The following CFAP44 variants were observed in gnomAD, a reference collection of about 807,000 sequenced individuals.
The protein encoded by CFAP44 is cilia and flagella associated protein 44, also known as cilia- and flagella-associated protein 44.
In CFAP44, 134 loss-of-function variants were observed where a neutral mutation model predicts 216.2. The observed-to-expected ratio is 0.62, with a 90% CI of 0.54 to 0.72. The LOEUF is 0.72. Ranked by LOEUF, CFAP44 falls within the 30% of genes least tolerant of loss-of-function variation. CFAP44 has a pLI of 0.00. For synonymous variants in CFAP44, 700 were observed against 727.6 expected (o/e 0.96, Z 0.61); for missense variants, 2,035 against 2,182.1 (o/e 0.93, Z 1.34).
chr3:113,391,453 C>A (rs181874509), intron 15 of CFAP44, among the ~76,000 whole-genome samples: 1 of 152,108 alleles, frequency 6.6e-6, no homozygotes, highest in East Asian at 1.9e-4. Context: ...TTGAATAACA[C>A]CCCACAAGCA....
chr3:113,396,569 A>G lies in CFAP44; in HGVS notation c.1728T>C (p.Ala576=), dbSNP rs778433648. 33 of 1,614,170 alleles carry G rather than the reference A, an allele frequency of 2.0e-5. No homozygotes were observed. The highest frequency in any genetic ancestry group is 5.0e-5 in the Admixed American group (3 of 60,008). ...QLKQVFKPHT[A]CVTALAYERD... The stretch of plus-strand genomic sequence containing the variant: ...GTTCATAAGCTAAAGCAGTGACACA[A>G]GCAGTATGGGGTTTGAAAACCTGTT... Residue 576 remains alanine, a synonymous_variant, in exon 14 of 35, where the codon GCT becomes GCC. Transcript: ENST00000393845.
chr3:113,384,475 A>C (rs913361688), intron 15 of CFAP44, among the ~76,000 whole-genome samples: 1 of 152,224 alleles, frequency 6.6e-6, no homozygotes, highest in Non-Finnish European at 1.5e-5. Context: ...AATGTGACTG[A>C]TAGATCTTTG....
At chr3:113,425,695 T>C (rs910930817) in intron 4 of CFAP44, among the ~76,000 whole-genome samples, 3 of 152,226 alleles carry the variant, frequency 2.0e-5, no homozygotes, top group Non-Finnish European at 4.4e-5. Flanking sequence ...TCAGATCTCA[T>C]GAACTGCAGC....
At chr3:113,422,483 T>C (rs1156625930) in intron 4 of CFAP44, among the ~76,000 whole-genome samples, 1 of 152,268 alleles carries the variant, frequency 6.6e-6, no homozygotes, top group Middle Eastern at 3.4e-3. Flanking sequence ...AAGAGAGAGA[T>C]AAAGCATTTC....
chr3:113,380,476 G>A (rs184496609), intron 16 of CFAP44, among the ~76,000 whole-genome samples: 3 of 151,762 alleles, frequency 2.0e-5, no homozygotes, highest in Non-Finnish European at 1.5e-5. Context: ...TGTCACCTGA[G>A]CTGGAGTGCA....
chr3:113,316,703 T>C (rs1950091320), intron 28 of CFAP44, among the ~76,000 whole-genome samples: 1 of 152,016 alleles, frequency 6.6e-6, no homozygotes. Context: ...ACCCCATCTC[T>C]ACTAAAAATA....
intron 24 of CFAP44, 76 bp downstream of exon 24, chr3:113,341,662 AATAAAT>A (rs1950334296): frequency 1.0e-5 from 13 of 1,272,362 alleles, no homozygotes; most frequent in African/African-American, 1.6e-5. Context: ...TAACAATGTC[AATAAAT>A]ATAAAGATTT....
intron 22 of CFAP44, among the ~76,000 whole-genome samples, chr3:113,346,416 A>G (rs1177652090): frequency 4.6e-5 from 7 of 151,984 alleles, no homozygotes; most frequent in Admixed American, 3.9e-4. Context: ...CCCAATCAGC[A>G]CTCTGTAAAA....
rs562438994 is a variant in CFAP44 at position 113,381,129 on chromosome 3, A to T, written c.1891-69T>A. 4.5e-3 allele frequency: 5,008 copies of T among 1,120,504 alleles called. 34 individuals carry two copies. Among genetic ancestry groups the T allele is most frequent in the Middle Eastern group, 0.014 (46 of 3,240 alleles). The allele number at this position is 1,120,504 out of a possible 1,614,324, so 69.4% of individuals were successfully genotyped here. ...TAAAAGCATAGTTTAAAGAGATTATAAATAAAAATATAATTACTATGTATA... is the reference window on the plus strand; with the variant it reads ...TAAAAGCATAGTTTAAAGAGATTATTAATAAAAATATAATTACTATGTATA... On this transcript the variant is annotated intron_variant, in intron 15 of 34. Transcript: ENST00000393845.
intron 9 of CFAP44, among the ~76,000 whole-genome samples, chr3:113,403,478 A>C (rs1214639511): frequency 6.6e-6 from 1 of 152,222 alleles, no homozygotes; most frequent in Non-Finnish European, 1.5e-5. Context: ...ACCTCAGTAA[A>C]AAATAACTAA....
At chr3:113,398,406 G>A (rs1435167258) in intron 13 of CFAP44, among the ~76,000 whole-genome samples, 1 of 152,148 alleles carries the variant, frequency 6.6e-6, no homozygotes, top group Non-Finnish European at 1.5e-5. Flanking sequence ...TTCCAGAAAG[G>A]CAAGGGGGTA....
intron 22 of CFAP44, 39 bp from the exon 23 acceptor site, chr3:113,344,751 T>G (rs1408343970): frequency 2.1e-6 from 3 of 1,445,664 alleles, no homozygotes; most frequent in Non-Finnish European, 2.7e-6. Flanking sequence ...AGTCACCATT[T>G]TGATCATTCT....
chr3:113,356,514 A>T (rs1456247136), intron 22 of CFAP44, among the ~76,000 whole-genome samples: 2 of 152,202 alleles, frequency 1.3e-5, no homozygotes, highest in Non-Finnish European at 2.9e-5. Flanking sequence ...CCAATGAGAT[A>T]GAATAAAGAG....
intron 30 of CFAP44, among the ~76,000 whole-genome samples, chr3:113,305,746 A>T (rs148814842): frequency 2.0e-5 from 3 of 152,336 alleles, no homozygotes; most frequent in African/African-American, 7.2e-5. Flanking sequence ...GGTGGTCTCC[A>T]ACATGGGATG....
chr3:113,379,545 TTAA>T lies in CFAP44; in HGVS notation c.2056_2058del (p.Leu686del), dbSNP rs1188937165. On this transcript the variant is annotated inframe_deletion, in exon 17 of 35. Coordinates refer to ENST00000393845, the MANE Select transcript of CFAP44 (RefSeq NM_001164496.2). ...TGTCTCTCCCTCTTTTCAATTTCTA[TTAA>T]TCTCTTTTAAAATAAACATTAAGTA... The T allele has an allele frequency of 6.3e-7, 1 of 1,577,376 alleles. No individual in the cohort carries two copies. Among genetic ancestry groups the T allele is most frequent in the Admixed American group, 1.7e-5 (1 of 58,684 alleles).
rs1223413052 is a variant in CFAP44, at chr3:113,403,999, T to C, written c.1023A>G (p.Glu341=). The C allele has an allele frequency of 3.1e-6, 5 of 1,613,796 alleles. No homozygotes were observed. Among genetic ancestry groups the C allele is most frequent in the Non-Finnish European group, 3.4e-6 (4 of 1,179,834 alleles). The change falls in exon 9 of 35, where the codon GAA becomes GAG. Residue 341 remains glutamate, a synonymous_variant. Coordinates refer to ENST00000393845, the MANE Select transcript of CFAP44 (RefSeq NM_001164496.2). ...LPDGKVLSGS[E]WGNMLLWEGG... is the part of the protein sequence containing the mutation. ...CTTCCCAAAGCAGCATGTTGCCCCA[T>C]TCTGACCCTGAGAGCACCTGGCAGG...
chr3:113,400,492 G>T, intron 12 of CFAP44, 53 bp downstream of exon 12: 2 of 1,420,926 alleles, frequency 1.4e-6, no homozygotes, highest in South Asian at 1.5e-5. Context: ...AAATTTTATT[G>T]CAAATAAAAC....
At chr3:113,374,884 C>T (rs1237805237) in intron 17 of CFAP44, among the ~76,000 whole-genome samples, 1 of 152,198 alleles carries the variant, frequency 6.6e-6, no homozygotes, top group African/African-American at 2.4e-5. Flanking sequence ...GATCCACCCG[C>T]CTTGACCTCC....
intron 15 of CFAP44, among the ~76,000 whole-genome samples, chr3:113,394,837 C>T (rs1379381642): frequency 6.6e-6 from 1 of 152,206 alleles, no homozygotes; most frequent in African/African-American, 2.4e-5. Flanking sequence ...GATGGACAAG[C>T]TTGGTCTACA....
Sources: allele counts gnomAD v4.1 joint callset (sites outside exome capture counted in the v4.1 genomes callset), GRCh38; gene constraint gnomAD v4.1.1; transcripts MANE v1.5; gene names NCBI Gene and HGNC (gene_info 2026-07-23, HGNC 2026-07-21).